The following ARMC3 variants were observed in gnomAD, a reference collection of about 807,000 sequenced individuals.
ARMC3 encodes the protein armadillo repeat containing 3.
In ARMC3, 74 loss-of-function variants were observed where a neutral mutation model predicts 90.3. That is an observed-to-expected ratio of 0.82 (90% CI 0.68 to 0.99). The LOEUF (loss-of-function observed/expected upper bound fraction) is 0.99. Among genes scored for constraint, ARMC3 ranks in the 50% least tolerant of loss-of-function variants. ARMC3 has a pLI of 0.00. For missense variants in ARMC3, 958 were observed against 1,042.8 expected, an observed-to-expected ratio of 0.92 and a Z score of 1.12; for synonymous variants, 334 against 361.8, an observed-to-expected ratio of 0.92 and a Z score of 0.87.
intron 16 of ARMC3, among the ~76,000 whole-genome samples, chr10:23,011,771 A>G (rs1838024514): frequency 6.6e-6 from 1 of 152,178 alleles, no homozygotes; most frequent in African/African-American, 2.4e-5. Flanking sequence ...ACAGCCTTCC[A>G]GTTCAAAAGC....
At chr10:22,936,456 T>C (rs542479432) in intron 2 of ARMC3, among the ~76,000 whole-genome samples, 1 of 152,304 alleles carries the variant, frequency 6.6e-6, no homozygotes, top group East Asian at 1.9e-4. Context: ...GACAGTATTA[T>C]TCCTTAACAG....
chr10:23,032,062 G>A (rs1838943140), intron 17 of ARMC3, among the ~76,000 whole-genome samples: 1 of 151,980 alleles, frequency 6.6e-6, no homozygotes, highest in Admixed American at 6.6e-5. Context: ...GACCAGCCTG[G>A]GCAATATAGT....
intron 2 of ARMC3, among the ~76,000 whole-genome samples, chr10:22,940,777 T>G (rs959497941): frequency 6.6e-6 from 1 of 152,172 alleles, no homozygotes; most frequent in African/African-American, 2.4e-5. Flanking sequence ...TGAGCTACAG[T>G]GACCCAAAAT....
chr10:23,020,657 C>T lies in ARMC3; in HGVS notation c.2046-9939C>T, dbSNP rs116597865. ...TTCTAATATGTAAATAGTGGTATCT[C>T]ATCATGATCTTAATTTGCATTTCCC... On this transcript the variant is annotated intron_variant, in intron 16 of 18. Coordinates refer to ENST00000298032, the MANE Select transcript of ARMC3 (RefSeq NM_173081.5). Among the ~76,000 whole-genome samples, 224 of 152,276 alleles carry T rather than the reference C, an allele frequency of 1.5e-3. 2 individuals are homozygous for T. Among genetic ancestry groups the T allele is most frequent in the African/African-American group, 5.3e-3 (220 of 41,550 alleles).
chr10:22,965,254 A>C (rs925569127), intron 7 of ARMC3, among the ~76,000 whole-genome samples: 4 of 152,244 alleles, frequency 2.6e-5, no homozygotes, highest in African/African-American at 4.8e-5. Flanking sequence ...ATAATGGCAT[A>C]AATTCTGTCT....
At chr10:23,031,759 C>T (rs1838930204) in intron 17 of ARMC3, among the ~76,000 whole-genome samples, 1 of 152,024 alleles carries the variant, frequency 6.6e-6, no homozygotes, top group African/African-American at 2.4e-5. Context: ...TAACTTGAGG[C>T]CACACCAAGA....
chr10:23,030,782 T>G lies in ARMC3; in HGVS notation c.2232T>G (p.Ile744Met). Residue 744 changes from isoleucine (I) to methionine (M), a missense_variant, in exon 17 of 19, where the codon ATT becomes ATG. Ile to Met is a conservative substitution (Grantham distance 10, BLOSUM62 1). Coordinates refer to ENST00000298032, the MANE Select transcript of ARMC3 (RefSeq NM_173081.5). ...CAATAACCAATATTAAGGAACAGAT[T>G]GAGGATCTGGCAAAGTAAGTTGTCT... ...ILPITNIKEQ[I>M]EDLAKYVAEK... The G allele has an allele frequency of 6.2e-7, 1 of 1,613,462 alleles. No homozygotes were observed. The highest frequency in any genetic ancestry group is 8.5e-7 in the Non-Finnish European group (1 of 1,179,620).
At position 23,006,809 on chromosome 10, in the gene ARMC3, ATATTC is replaced by A. The variant is rs558433929; in HGVS notation, c.1732-71_1732-67del. ...TGAGACACCGCAAACAGCTGAGAAT[ATATTC>A]TATCTGTATTCATTTTCGAAAATAT... On this transcript the variant is annotated intron_variant, in intron 13 of 18. Coordinates refer to ENST00000298032, the MANE Select transcript of ARMC3 (RefSeq NM_173081.5). 6.4e-4 allele frequency: 747 copies of A among 1,168,576 alleles called. 7 individuals are homozygous for A. In the African/African-American group the frequency reaches 0.01, roughly 16 times the overall value. The allele number at this position is 1,168,576 out of a possible 1,614,324, so 72.4% of individuals were successfully genotyped here.
chr10:23,021,175 G>T (rs1838497550), intron 16 of ARMC3, among the ~76,000 whole-genome samples: 1 of 152,156 alleles, frequency 6.6e-6, no homozygotes, highest in Admixed American at 6.5e-5. Context: ...CGTATTCTAT[G>T]GTGTATACAT....
intron 18 of ARMC3, 135 bp downstream of exon 18, chr10:23,033,158 AG>A (rs1331185932): frequency 1.2e-6 from 1 of 815,212 alleles, no homozygotes; most frequent in African/African-American, 1.7e-5. Flanking sequence ...TCTACATATA[AG>A]TGTATATATA....
At chr10:22,966,444 C>A (rs1835442411) in intron 7 of ARMC3, among the ~76,000 whole-genome samples, 1 of 152,316 alleles carries the variant, frequency 6.6e-6, no homozygotes, top group African/African-American at 2.4e-5. Context: ...TCACCAGGGT[C>A]CCTGGGGTCT....
chr10:23,006,638 G>A, intron 13 of ARMC3: 1 of 412,090 alleles, frequency 2.4e-6, no homozygotes, highest in Non-Finnish European at 4.5e-6. Context: ...TGATAATGAT[G>A]GGATGAAACA....
intron 8 of ARMC3, among the ~76,000 whole-genome samples, chr10:22,969,169 A>G (rs999610554): frequency 2.0e-5 from 3 of 152,234 alleles, no homozygotes; most frequent in African/African-American, 7.2e-5. Context: ...TAGTAGCACC[A>G]TGTTACATAG....
At chr10:22,990,319 G>A (rs1319208166) in intron 10 of ARMC3, among the ~76,000 whole-genome samples, 1 of 152,216 alleles carries the variant, frequency 6.6e-6, no homozygotes, top group Non-Finnish European at 1.5e-5. Context: ...AAAGGCTTGA[G>A]TAGGATTTCT....
chr10:23,015,854 A>G (rs1838245915), intron 16 of ARMC3, among the ~76,000 whole-genome samples: 1 of 152,198 alleles, frequency 6.6e-6, no homozygotes, highest in Non-Finnish European at 1.5e-5. Flanking sequence ...CTTCTTTTCT[A>G]CAATTCATTC....
intron 16 of ARMC3, among the ~76,000 whole-genome samples, chr10:23,028,759 G>A (rs917333927): frequency 6.6e-6 from 1 of 152,208 alleles, no homozygotes; most frequent in African/African-American, 2.4e-5. Context: ...TTGGATAGCA[G>A]TCTATCCAGT....
intron 13 of ARMC3, among the ~76,000 whole-genome samples, chr10:23,005,630 C>T (rs1351129196): frequency 2.0e-5 from 3 of 152,064 alleles, no homozygotes; most frequent in East Asian, 1.9e-4. Flanking sequence ...TTTGGGAGGC[C>T]GAGGCGGGTG....
intron 18 of ARMC3, among the ~76,000 whole-genome samples, chr10:23,033,500 C>T (rs973140735): frequency 4.6e-5 from 7 of 152,080 alleles, no homozygotes; most frequent in African/African-American, 1.4e-4. Flanking sequence ...ACAGAGAAAA[C>T]ATCTTATGCA....
At chr10:22,999,567 A>G (rs1837181747) in intron 11 of ARMC3, among the ~76,000 whole-genome samples, 1 of 152,204 alleles carries the variant, frequency 6.6e-6, no homozygotes, top group African/African-American at 2.4e-5. Context: ...GGCACCTACT[A>G]TGTGCCAGTG....
Sources: allele counts gnomAD v4.1 joint callset (sites outside exome capture counted in the v4.1 genomes callset), GRCh38; gene constraint gnomAD v4.1.1; transcripts MANE v1.5; gene names NCBI Gene and HGNC (gene_info 2026-07-23, HGNC 2026-07-21).